The following MAGEA12 variants were observed in gnomAD, a reference collection of about 807,000 sequenced individuals.
MAGEA12 encodes the protein MAGE family member A12, also known as melanoma-associated antigen 12.
For synonymous variants in MAGEA12, 135 were observed against 104.7 expected (o/e 1.29, Z -1.77); for missense variants, 235 against 240.1 (o/e 0.98, Z 0.14).
Position 152,737,388 on chromosome X carries a change from T to C in MAGEA12, c.*282T>C, listed in dbSNP as rs1297545839. The C allele has an allele frequency of 1.5e-5, 7 of 456,758 alleles. No individual in the cohort carries two copies. The highest frequency in any genetic ancestry group is 2.5e-5 in the Non-Finnish European group (6 of 242,428). The allele number at this position is 456,758 out of a possible 1,213,427, so 37.6% of individuals were successfully genotyped here. A position where few individuals can be genotyped will look rare whatever the true frequency, so the allele number is the denominator to read the frequency against. ...GAATGACAGTAGTCACACATAGTGCTGTTTATATAGTTTAGGAGTAAGAGT... is the reference window on the plus strand; with the variant it reads ...GAATGACAGTAGTCACACATAGTGCCGTTTATATAGTTTAGGAGTAAGAGT... On this transcript the variant is annotated 3_prime_UTR_variant, in exon 3 of 3. Transcript: ENST00000393869.
intron 2 of MAGEA12, among the ~76,000 whole-genome samples, chrX:152,735,625 G>T (rs1331797107): frequency 8.9e-6 from 1 of 112,301 alleles, no homozygotes; most frequent in African/African-American, 3.2e-5. Flanking sequence ...TATCAGGGAT[G>T]TGAATTCTTG....
chrX:152,736,838 G>T lies in MAGEA12; in HGVS notation c.677G>T (p.Ser226Ile), dbSNP rs1421200378. The T allele has an allele frequency of 3.3e-6, 4 of 1,210,258 alleles. No individual in the cohort carries two copies. The African/African-American group carries it at 5.2e-5, about 16-fold the overall frequency. Residue 226 changes from serine (S) to isoleucine (I), a missense_variant, in exon 3 of 3, where the codon AGT becomes ATT. Ser to Ile is a moderately radical substitution (Grantham distance 142). Coordinates refer to ENST00000393869, the MANE Select transcript of MAGEA12 (RefSeq NM_001166387.4). ...APEEKIWEEL[S>I]VLEASDGRED... ...GAGGAGAAAATCTGGGAGGAGCTGA[G>T]TGTGTTGGAGGCATCTGATGGGAGG...
Position 152,737,515 on chromosome X carries a change from G to A in MAGEA12, c.*409G>A. 1 of 268,964 alleles carries A rather than the reference G, an allele frequency of 3.7e-6. No homozygotes were observed. The highest frequency in any genetic ancestry group is 7.3e-6 in the Non-Finnish European group (1 of 137,915). The allele number at this position is 268,964 out of a possible 1,213,427, so 22.2% of individuals were successfully genotyped here. A position where few individuals can be genotyped will look rare whatever the true frequency, so the allele number is the denominator to read the frequency against. On this transcript the variant is annotated 3_prime_UTR_variant, in exon 3 of 3. Transcript: ENST00000393869. ...GCTTAGAATTGTGAAAGAATTAGCAGTAAAATACATGAGATAAAGACCTCA... is the reference window on the plus strand; with the variant it reads ...GCTTAGAATTGTGAAAGAATTAGCAATAAAATACATGAGATAAAGACCTCA...
rs1310256753 is a variant in MAGEA12 at position 152,736,899 on chromosome X, C to T, written c.738C>T (p.Leu246=). 13 of 1,210,461 alleles carry T rather than the reference C, an allele frequency of 1.1e-5. No homozygotes were observed. Among genetic ancestry groups the T allele is most frequent in the Non-Finnish European group, 1.5e-5 (13 of 895,316 alleles). ...TCTTTGCGCATCCCAGGAAGCTGCT[C>T]ACCCAAGATTTGGTGCAGGAAAACT... is the stretch of plus-strand genomic sequence containing the variant. ...DSVFAHPRKL[L]TQDLVQENYL... The change falls in exon 3 of 3, where the codon CTC becomes CTT. Residue 246 remains leucine, a synonymous_variant. Transcript: ENST00000393869.
In MAGEA12 at chrX:152,737,114, C is replaced by T; in HGVS notation, c.*8C>T. 1 of 1,206,446 alleles carries T rather than the reference C, an allele frequency of 8.3e-7. No individual in the cohort carries two copies. The highest frequency in any genetic ancestry group is 1.7e-5 in the African/African-American group (1 of 57,682). ...AGAGAGGGGGAAGAGTGAGTCTGAG[C>T]ACGAGTTGCAGCCAGGGCCAGTGGG... On this transcript the variant is annotated 3_prime_UTR_variant, in exon 3 of 3. Transcript: ENST00000393869.
intron 2 of MAGEA12, 33 bp from the exon 3 acceptor site, chrX:152,736,054 T>C: frequency 1.2e-6 from 1 of 860,807 alleles, no homozygotes; most frequent in Non-Finnish European, 1.6e-6. Context: ...TGGCCGGCTG[T>C]ACCCTGAGGC....
chrX:152,736,838 G>A lies in MAGEA12; in HGVS notation c.677G>A (p.Ser226Asn). The A allele has an allele frequency of 8.3e-7, 1 of 1,212,115 alleles. No individual in the cohort carries two copies. The highest frequency in any genetic ancestry group is 1.1e-6 in the Non-Finnish European group (1 of 895,640). The change falls in exon 3 of 3, where the codon AGT (serine) becomes AAT (asparagine). Residue 226 changes from serine to asparagine, a missense_variant. By Grantham distance (46) the Ser-to-Asn change is conservative. Coordinates refer to ENST00000393869, the MANE Select transcript of MAGEA12 (RefSeq NM_001166387.4). The part of the protein sequence containing the change: ...APEEKIWEEL[S>N]VLEASDGRED... Reference sequence around the variant, plus strand: ...GAGGAGAAAATCTGGGAGGAGCTGAGTGTGTTGGAGGCATCTGATGGGAGG... The same window carrying A: ...GAGGAGAAAATCTGGGAGGAGCTGAATGTGTTGGAGGCATCTGATGGGAGG...
intron 1 of MAGEA12, among the ~76,000 whole-genome samples, chrX:152,734,438 T>A (rs1556226852): frequency 9.0e-6 from 1 of 110,921 alleles, no homozygotes. Flanking sequence ...TGGAAGATAA[T>A]GGAGTCCGGA....
chrX:152,737,181 A>T lies in MAGEA12; in HGVS notation c.*75A>T. The T allele has an allele frequency of 1.0e-6, 1 of 1,000,057 alleles. No individual in the cohort carries two copies. Among genetic ancestry groups the T allele is most frequent in the Non-Finnish European group, 1.4e-6 (1 of 711,593 alleles). The allele number at this position is 1,000,057 out of a possible 1,213,427, so 82.4% of individuals were successfully genotyped here. A position where few individuals can be genotyped will look rare whatever the true frequency, so the allele number is the denominator to read the frequency against. ...TGCACCTTCCAAGGCCCCATCCATT[A>T]GTTTCCACTGCCTCGTGTGACATGA... On this transcript the variant is annotated 3_prime_UTR_variant, in exon 3 of 3. Transcript: ENST00000393869.
Position 152,737,041 on chromosome X carries a change from A to T in MAGEA12, c.880A>T (p.Ser294Cys), listed in dbSNP as rs374215443. 17 of 1,210,048 alleles carry T rather than the reference A, an allele frequency of 1.4e-5. No individual in the cohort carries two copies. The highest frequency in any genetic ancestry group is 1.9e-5 in the Non-Finnish European group (17 of 895,249). The part of the protein sequence containing the change: ...VKVLHHLLKI[S>C]GGPHISYPPL... ...AGTCCTGCACCATTTGCTAAAGATC[A>T]GTGGAGGACCTCACATTTCCTACCC... The change falls in exon 3 of 3, where the codon AGT becomes TGT. Residue 294 changes from serine (S) to cysteine (C), a missense_variant. By Grantham distance (112) the Ser-to-Cys change is moderately radical. Coordinates refer to ENST00000393869, the MANE Select transcript of MAGEA12 (RefSeq NM_001166387.4).
chrX:152,736,530 G>A lies in MAGEA12; in HGVS notation c.369G>A (p.Lys123=), dbSNP rs1932329003. Residue 123 remains lysine (K), a synonymous_variant, in exon 3 of 3, where the codon AAG becomes AAA. Transcript: ENST00000393869. Reference sequence around the variant, plus strand: ...AGTTGGTTCATTTTCTGCTCCTCAAGTATCGAGCCAGGGAGCCATTCACAA... The same window carrying A: ...AGTTGGTTCATTTTCTGCTCCTCAAATATCGAGCCAGGGAGCCATTCACAA... ...MAELVHFLLL[K]YRAREPFTKA... The A allele has an allele frequency of 8.3e-7, 1 of 1,210,313 alleles. No individual in the cohort carries two copies. The highest frequency in any genetic ancestry group is 2.2e-5 in the Admixed American group (1 of 45,864).
rs199726980 is a variant in MAGEA12 at position 152,736,671 on chromosome X, C to T, written c.510C>T (p.Val170=). 1.7e-6 allele frequency: 2 copies of T among 1,210,327 alleles called. No individual in the cohort carries two copies. Among genetic ancestry groups the T allele is most frequent in the Non-Finnish European group, 2.2e-6 (2 of 895,342 alleles). ...LVFGIEVVEV[V]RIGHLYILVT... Reference sequence around the variant, plus strand: ...TTGGCATCGAGGTGGTGGAAGTGGTCCGCATCGGCCACTTGTACATCCTTG... The same window carrying T: ...TTGGCATCGAGGTGGTGGAAGTGGTTCGCATCGGCCACTTGTACATCCTTG... Residue 170 remains valine (V), a synonymous_variant, in exon 3 of 3, where the codon GTC becomes GTT. Coordinates refer to ENST00000393869, the MANE Select transcript of MAGEA12 (RefSeq NM_001166387.4).
rs1932313258 is a variant in MAGEA12, at chrX:152,736,102, G to A, written c.-60G>A. On this transcript the variant is annotated 5_prime_UTR_variant, in exon 3 of 3. Coordinates refer to ENST00000393869, the MANE Select transcript of MAGEA12 (RefSeq NM_001166387.4). ...GTTCCTTCAGGTTCTGAGGAGACAG[G>A]CCCCGGAGCAGCACTAGCTCCTGCC... The A allele has an allele frequency of 3.5e-6, 4 of 1,139,663 alleles. No individual in the cohort carries two copies. The highest frequency in any genetic ancestry group is 4.7e-6 in the Non-Finnish European group (4 of 848,707). The allele number at this position is 1,139,663 out of a possible 1,213,427, so 93.9% of individuals were successfully genotyped here.
intron 2 of MAGEA12, among the ~76,000 whole-genome samples, chrX:152,735,658 C>A (rs782528987): frequency 8.9e-6 from 1 of 112,231 alleles, no homozygotes; most frequent in South Asian, 3.7e-4. Flanking sequence ...CTTTGGCCAG[C>A]AAAAGGGCGG....
At chrX:152,734,607 C>T (rs1347911769) in intron 1 of MAGEA12, among the ~76,000 whole-genome samples, 1 of 112,073 alleles carries the variant, frequency 8.9e-6, no homozygotes, top group African/African-American at 3.2e-5. Context: ...AGAGGGAGGA[C>T]TGAGGGGACC....
In MAGEA12 at chrX:152,736,660, G is replaced by C; in HGVS notation, c.499G>C (p.Val167Leu). Residue 167 changes from valine to leucine, a missense_variant, in exon 3 of 3, where the codon GTG (valine) becomes CTG (leucine). Val to Leu is a conservative substitution (Grantham distance 32, BLOSUM62 1). Coordinates refer to ENST00000393869, the MANE Select transcript of MAGEA12 (RefSeq NM_001166387.4). ...YLQLVFGIEV[V>L]EVVRIGHLYI... ...GCAGCTGGTCTTTGGCATCGAGGTGGTGGAAGTGGTCCGCATCGGCCACTT... is the reference window on the plus strand; with the variant it reads ...GCAGCTGGTCTTTGGCATCGAGGTGCTGGAAGTGGTCCGCATCGGCCACTT... 1 of 1,212,045 alleles carries C rather than the reference G, an allele frequency of 8.3e-7. No individual in the cohort carries two copies. Among genetic ancestry groups the C allele is most frequent in the Non-Finnish European group, 1.1e-6 (1 of 895,628 alleles).
chrX:152,736,093 A>T lies in MAGEA12; in HGVS notation c.-69A>T, dbSNP rs1932312846. On this transcript the variant is annotated 5_prime_UTR_variant, in exon 3 of 3. Transcript: ENST00000393869. ...CTCTCACTTGTTCCTTCAGGTTCTG[A>T]GGAGACAGGCCCCGGAGCAGCACTA... 5 of 1,113,910 alleles carry T rather than the reference A, an allele frequency of 4.5e-6. No homozygotes were observed. The highest frequency in any genetic ancestry group is 2.8e-4 in the Middle Eastern group (1 of 3,601). 91.8% of individuals were successfully genotyped at this position (1,113,910 alleles called of 1,213,427 possible).
rs1476045046 is a variant in MAGEA12 at position 152,737,554 on chromosome X, T to C, written c.*448T>C. The C allele has an allele frequency of 1.8e-5, 4 of 218,851 alleles. No individual in the cohort carries two copies. Among genetic ancestry groups the C allele is most frequent in the African/African-American group, 1.2e-4 (4 of 33,502 alleles). The allele number at this position is 218,851 out of a possible 1,213,427, so 18.0% of individuals were successfully genotyped here. ...ATAAAGACCTCAAGAAGTTAAAAGA[T>C]ACTTAATTCTTGCCTTATACCTCAC... On this transcript the variant is annotated 3_prime_UTR_variant, in exon 3 of 3. Coordinates refer to ENST00000393869, the MANE Select transcript of MAGEA12 (RefSeq NM_001166387.4).
chrX:152,737,596 G>GA lies in MAGEA12; in HGVS notation c.*498dup, dbSNP rs782197156. 4.6e-4 allele frequency: 81 copies of GA among 176,884 alleles called. No homozygotes were observed. The highest frequency in any genetic ancestry group is 2.2e-3 in the East Asian group (13 of 5,854). The allele number at this position is 176,884 out of a possible 1,213,427, so 14.6% of individuals were successfully genotyped here. The stretch of plus-strand genomic sequence containing the variant: ...ATACCTCACTCTATTCTGTAAATTT[G>GA]AAAAAAAAGCATGGATACCTGGATA... On this transcript the variant is annotated 3_prime_UTR_variant, in exon 3 of 3. Transcript: ENST00000393869.
Sources: gnomAD v4.1 joint callset for allele counts (sites outside exome capture counted in the v4.1 genomes callset) on GRCh38, gnomAD v4.1.1 for gene constraint, MANE v1.5 for transcripts, NCBI Gene and HGNC (gene_info 2026-07-23, HGNC 2026-07-21) for gene names.